The following ARID3B variants were observed in gnomAD, a reference collection of about 807,000 sequenced individuals.
The protein encoded by ARID3B is AT-rich interaction domain 3B.
Under a neutral mutation model 51.9 loss-of-function variants are expected in ARID3B, and 10 were observed. The observed-to-expected ratio is 0.19, with a 90% CI of 0.12 to 0.33. The LOEUF (loss-of-function observed/expected upper bound fraction) is 0.33. Ranked by LOEUF, ARID3B falls within the 10% of genes least tolerant of loss-of-function variation. The pLI is 1.00. For synonymous variants in ARID3B, 205 were observed against 279.5 expected, an observed-to-expected ratio of 0.73 and a Z score of 2.66; for missense variants, 483 against 716.3, an observed-to-expected ratio of 0.67 and a Z score of 3.72.
chr15:74,597,415 G>C lies in ARID3B; in HGVS notation c.*1641G>C. 1 of 452,090 alleles carries C rather than the reference G, an allele frequency of 2.2e-6. No homozygotes were observed. The highest frequency in any genetic ancestry group is 3.4e-5 in the Admixed American group (1 of 29,542). 28.0% of individuals were successfully genotyped at this position (452,090 alleles called of 1,614,324 possible). A position where few individuals can be genotyped will look rare whatever the true frequency, so the allele number is the denominator to read the frequency against. Reference sequence around the variant, plus strand: ...GGAGAGGAAAGGGAATCAAAAGCTTGAGCACAAACAGATACCTCAGCCCGG... The same window carrying C: ...GGAGAGGAAAGGGAATCAAAAGCTTCAGCACAAACAGATACCTCAGCCCGG... On this transcript the variant is annotated 3_prime_UTR_variant, in exon 9 of 9. Transcript: ENST00000346246.
At chr15:74,587,701 G>A (rs905682537) in intron 4 of ARID3B, among the ~76,000 whole-genome samples, 19 of 152,272 alleles carry the variant, frequency 1.2e-4, no homozygotes, top group Middle Eastern at 3.4e-3. Context: ...AAAGGAGGTC[G>A]ACGTTAGCCC....
intron 4 of ARID3B, among the ~76,000 whole-genome samples, chr15:74,580,046 C>T (rs1006137824): frequency 2.0e-5 from 3 of 152,144 alleles, no homozygotes; most frequent in African/African-American, 7.2e-5. Context: ...CAAGAATTAA[C>T]CAGGCATGGT....
rs535756681 is a variant in ARID3B, at chr15:74,591,824, G to A, written c.1420+10G>A. ...AGGATCAACGGCAGGGGTGAGCCAGGCTCAGGGCCGGGCCTTCCCTTCCTG... is the reference window on the plus strand; with the variant it reads ...AGGATCAACGGCAGGGGTGAGCCAGACTCAGGGCCGGGCCTTCCCTTCCTG... On this transcript the variant is annotated intron_variant, in intron 7 of 8. Transcript: ENST00000346246. The surrounding 1 kb of genome is among the most constrained non-coding windows in gnomAD (Gnocchi z 5.8). 1 of 1,609,864 alleles carries A rather than the reference G, an allele frequency of 6.2e-7. No homozygotes were observed. Among genetic ancestry groups the A allele is most frequent in the East Asian group, 2.2e-5 (1 of 44,774 alleles).
intron 2 of ARID3B, among the ~76,000 whole-genome samples, chr15:74,546,425 C>G (rs948078848): frequency 6.6e-5 from 10 of 152,226 alleles, no homozygotes; most frequent in African/African-American, 2.4e-4. Flanking sequence ...AGTGCAGCCG[C>G]ATGCGAGGAA....
chr15:74,549,405 G>A (rs1300168699), intron 2 of ARID3B, among the ~76,000 whole-genome samples: 1 of 151,964 alleles, frequency 6.6e-6, no homozygotes, highest in Non-Finnish European at 1.5e-5. Context: ...GGTAGATACT[G>A]CATGACTATC....
chr15:74,577,672 C>G (rs2061742880), intron 4 of ARID3B, among the ~76,000 whole-genome samples: 1 of 152,074 alleles, frequency 6.6e-6, no homozygotes, highest in African/African-American at 2.4e-5. Context: ...CAGGTGTGCA[C>G]CACCACACTC....
At chr15:74,553,853 C>T (rs930033734) in intron 2 of ARID3B, among the ~76,000 whole-genome samples, 3 of 150,906 alleles carry the variant, frequency 2.0e-5, no homozygotes, top group South Asian at 4.1e-4. Flanking sequence ...GACAGAGTTT[C>T]GCTCTTGTTG....
intron 2 of ARID3B, among the ~76,000 whole-genome samples, chr15:74,553,807 A>T (rs896512859): frequency 3.3e-5 from 5 of 149,892 alleles, no homozygotes; most frequent in Non-Finnish European, 5.9e-5. Context: ...TTTAATTTTT[A>T]TTTATTTATT....
chr15:74,567,637 C>T (rs1236672166), intron 2 of ARID3B, among the ~76,000 whole-genome samples: 1 of 152,140 alleles, frequency 6.6e-6, no homozygotes, highest in Non-Finnish European at 1.5e-5. Context: ...CATCCAGAGA[C>T]AGGAAGTTGC....
At chr15:74,585,196 C>A (rs1041309947) in intron 4 of ARID3B, among the ~76,000 whole-genome samples, 1 of 152,210 alleles carries the variant, frequency 6.6e-6, no homozygotes, top group Non-Finnish European at 1.5e-5. Context: ...CACCAGTGAC[C>A]CACAAAGATC....
chr15:74,575,522 T>C (rs2061734439), intron 4 of ARID3B, among the ~76,000 whole-genome samples: 1 of 152,236 alleles, frequency 6.6e-6, no homozygotes, highest in Non-Finnish European at 1.5e-5. Context: ...CCTTGAGGTT[T>C]GGGTGCATCT....
intron 2 of ARID3B, among the ~76,000 whole-genome samples, chr15:74,560,406 C>T (rs75610011): frequency 5.9e-5 from 9 of 152,120 alleles, no homozygotes; most frequent in Non-Finnish European, 4.4e-5. Flanking sequence ...GTTTGGTCTA[C>T]ACCTTCTTGG....
At chr15:74,582,007 A>G (rs2141473236) in intron 4 of ARID3B, among the ~76,000 whole-genome samples, 1 of 152,324 alleles carries the variant, frequency 6.6e-6, no homozygotes, top group Non-Finnish European at 1.5e-5. Flanking sequence ...TGCTCAGGCC[A>G]GAAGGCCCAT....
At chr15:74,583,589 C>T (rs1373912083) in intron 4 of ARID3B, among the ~76,000 whole-genome samples, 1 of 151,602 alleles carries the variant, frequency 6.6e-6, no homozygotes, top group African/African-American at 2.4e-5. Context: ...TGGTGGCAAG[C>T]GCCTGTAATC....
At chr15:74,578,071 G>A (rs2061744385) in intron 4 of ARID3B, among the ~76,000 whole-genome samples, 1 of 151,964 alleles carries the variant, frequency 6.6e-6, no homozygotes, top group Non-Finnish European at 1.5e-5. Context: ...TGGCCAGGCT[G>A]GTCTCAAACT....
In ARID3B at chr15:74,597,343, G is replaced by A. The variant is rs778836089; in HGVS notation, c.*1569G>A. 6.0e-5 allele frequency: 25 copies of A among 417,164 alleles called. 1 individual carries two copies. Among genetic ancestry groups the A allele is most frequent in the South Asian group, 1.6e-4 (7 of 42,962 alleles). The allele number at this position is 417,164 out of a possible 1,614,324, so 25.8% of individuals were successfully genotyped here. A position where few individuals can be genotyped will look rare whatever the true frequency, so the allele number is the denominator to read the frequency against. On this transcript the variant is annotated 3_prime_UTR_variant, in exon 9 of 9. Coordinates refer to ENST00000346246, the MANE Select transcript of ARID3B (RefSeq NM_006465.4). ...GCTGTGGCAGTGGGAGACACCGCGC[G>A]TGGCGTGGGTGTGTGTGGCAGCGTG...
At chr15:74,550,718 A>AT (rs1421752143) in intron 2 of ARID3B, among the ~76,000 whole-genome samples, 1 of 151,528 alleles carries the variant, frequency 6.6e-6, no homozygotes, top group African/African-American at 2.4e-5. Context: ...AAAAAAAAAA[A>AT]GGAAAAGAAA....
At chr15:74,551,286 A>G (rs539145012) in intron 2 of ARID3B, among the ~76,000 whole-genome samples, 2 of 152,304 alleles carry the variant, frequency 1.3e-5, no homozygotes, top group East Asian at 3.9e-4. Flanking sequence ...AGCCCTGACC[A>G]CACTCTGGTG....
chr15:74,547,498 T>G (rs968395994), intron 2 of ARID3B, among the ~76,000 whole-genome samples: 1 of 152,180 alleles, frequency 6.6e-6, no homozygotes, highest in Non-Finnish European at 1.5e-5. Flanking sequence ...CAGATCTTAT[T>G]GTTAATGTGA....
Sources: allele counts gnomAD v4.1 joint callset (sites outside exome capture counted in the v4.1 genomes callset), GRCh38; gene constraint gnomAD v4.1.1; non-coding constraint Gnocchi (gnomAD v3.1); transcripts MANE v1.5; gene names NCBI Gene and HGNC (gene_info 2026-07-23, HGNC 2026-07-21).